The following PTCHD4 variants were observed in gnomAD, a reference collection of about 807,000 sequenced individuals.
PTCHD4 encodes the protein patched domain-containing protein 4.
A neutral mutation model predicts 58.1 loss-of-function variants in PTCHD4; 33 were observed. That is an observed-to-expected ratio of 0.57 (90% CI 0.43 to 0.76). The LOEUF (loss-of-function observed/expected upper bound fraction) is 0.76, where lower values mean the gene tolerates loss of function less well. PTCHD4 is among the 30% of genes least tolerant of loss of function. The probability of loss-of-function intolerance (pLI) is 0.00; values close to 1 mark genes in which losing one functional copy is unlikely to be tolerated. For synonymous variants in PTCHD4, 478 were observed against 409.6 expected, an observed-to-expected ratio of 1.17 and a Z score of -2.02; for missense variants, 1,058 against 1,027.1, an observed-to-expected ratio of 1.03 and a Z score of -0.41.
chr6:47,967,985 C>G (rs1581949028), intron 4 of PTCHD4, among the ~76,000 whole-genome samples: 1 of 152,170 alleles, frequency 6.6e-6, no homozygotes, highest in African/African-American at 2.4e-5. Flanking sequence ...TTACTCTCCT[C>G]TAAGAACTTT....
In PTCHD4 at chr6:47,878,436, A is replaced by G; in HGVS notation, c.2399T>C (p.Leu800Ser). ...GGGGAAAAACGTTAGGAACACAGGT[A>G]AAATAACAAAACAGTGCAGAAGTGT... ...GCTLLHCFVI[L>S]PVFLTFFPPS... The change falls in exon 5 of 5, where the codon TTA (leucine) becomes TCA (serine). Residue 800 changes from leucine (L) to serine (S), a missense_variant. Coordinates refer to ENST00000339488, the MANE Select transcript of PTCHD4 (RefSeq NM_001384253.1). 1 of 1,613,562 alleles carries G rather than the reference A, an allele frequency of 6.2e-7. No individual in the cohort carries two copies. Among genetic ancestry groups the G allele is most frequent in the Non-Finnish European group, 8.5e-7 (1 of 1,179,680 alleles).
At chr6:47,884,987 A>G (rs1463121766) in intron 4 of PTCHD4, among the ~76,000 whole-genome samples, 1 of 152,198 alleles carries the variant, frequency 6.6e-6, no homozygotes, top group East Asian at 1.9e-4. Context: ...TCACTGCTAT[A>G]GCGAGCTGGT....
chr6:48,093,701 C>T (rs1175120815), intron 1 of PTCHD4, among the ~76,000 whole-genome samples: 1 of 151,904 alleles, frequency 6.6e-6, no homozygotes, highest in Admixed American at 6.6e-5. Context: ...CACCCCTTTT[C>T]CCCACCTTCA....
In PTCHD4 at chr6:47,874,680, A is replaced by G. The variant is rs1450023162; in HGVS notation, c.*3623T>C. On this transcript the variant is annotated 3_prime_UTR_variant, in exon 5 of 5. Coordinates refer to ENST00000339488, the MANE Select transcript of PTCHD4 (RefSeq NM_001384253.1). ...TCATCATTATTCTTCTCACCTCACA[A>G]GGTAAAAACCTAAATTCTGTGGAAA... Among the ~76,000 whole-genome samples, 1 of 151,776 alleles carries G rather than the reference A, an allele frequency of 6.6e-6. No homozygotes were observed. Among genetic ancestry groups the G allele is most frequent in the East Asian group, 1.9e-4 (1 of 5,144 alleles).
intron 3 of PTCHD4, among the ~76,000 whole-genome samples, chr6:48,044,883 A>G (rs1763977994): frequency 6.6e-6 from 1 of 151,878 alleles, no homozygotes. Context: ...GAATAGCACC[A>G]TAAGATTTAG....
intron 4 of PTCHD4, among the ~76,000 whole-genome samples, chr6:47,882,741 G>GAGAGATATATATATATATATATATAT (rs143060584): frequency 1.7e-4 from 17 of 102,440 alleles, no homozygotes; most frequent in East Asian, 3.4e-4. Flanking sequence ...TGATTCCAGT[G>GAGAGATATATATATATATATATATAT]ATATATATAT....
In PTCHD4 at chr6:47,882,741, G is replaced by GAGATATATATATATAT. The variant is rs143060584; in HGVS notation, c.899-2806_899-2805insATATATATATATATCT. 1.7e-3 allele frequency among the ~76,000 whole-genome samples: 176 copies of GAGATATATATATATAT among 102,432 alleles called. 11 individuals carry two copies. The highest frequency in any genetic ancestry group is 4.0e-3 in the Admixed American group (33 of 8,308). The allele number at this position is 102,432 out of a possible 152,430, so 67.2% of individuals were successfully genotyped here. ...TGAATCCATTTCTAATGATTCCAGTGATATATATATATATATTCCTTAAAT... is the reference window on the plus strand; with the variant it reads ...TGAATCCATTTCTAATGATTCCAGTGAGATATATATATATATATATATATATATATATTCCTTAAAT... On this transcript the variant is annotated intron_variant, in intron 4 of 4. Transcript: ENST00000339488.
At chr6:48,109,538 GC>G (rs1446456721) in intron 1 of PTCHD4, among the ~76,000 whole-genome samples, 2 of 151,940 alleles carry the variant, frequency 1.3e-5, no homozygotes, top group Non-Finnish European at 2.9e-5. Context: ...GGCAAAAAAG[GC>G]AAAAATAAAC....
intron 3 of PTCHD4, among the ~76,000 whole-genome samples, chr6:48,030,788 C>G (rs1243427070): frequency 1.3e-5 from 2 of 152,154 alleles, no homozygotes; most frequent in African/African-American, 4.8e-5. Flanking sequence ...GAAATCTTCT[C>G]TACTGACTGC....
At chr6:47,947,309 T>G (rs900343551) in intron 4 of PTCHD4, among the ~76,000 whole-genome samples, 2 of 152,202 alleles carry the variant, frequency 1.3e-5, no homozygotes, top group Non-Finnish European at 2.9e-5. Flanking sequence ...AGCTCAATCT[T>G]GACACATTTA....
intron 4 of PTCHD4, among the ~76,000 whole-genome samples, chr6:47,949,380 C>T (rs961085118): frequency 6.6e-6 from 1 of 152,176 alleles, no homozygotes; most frequent in Non-Finnish European, 1.5e-5. Context: ...CAGAAAGGGT[C>T]TTTGTGGCTT....
At position 47,861,519 on chromosome 6, in the gene PTCHD4, G is replaced by A. The variant is rs1763425236; in HGVS notation, c.*16784C>T. 6.6e-6 allele frequency among the ~76,000 whole-genome samples: 1 copy of A among 151,804 alleles called. No individual in the cohort carries two copies. On this transcript the variant is annotated 3_prime_UTR_variant, in exon 5 of 5. Transcript: ENST00000339488. ...CACTAATCAATCATTAGGCATCCTT[G>A]CCTTCCTATCTTACCATTTTGTCCA... is the stretch of plus-strand genomic sequence containing the variant.
rs138634220 is a variant in PTCHD4, at chr6:47,928,906, T to C, written c.899-48970A>G. Among the ~76,000 whole-genome samples, 323 of 152,272 alleles carry C rather than the reference T, an allele frequency of 2.1e-3. 2 individuals are homozygous for C. Among genetic ancestry groups the C allele is most frequent in the African/African-American group, 7.3e-3 (305 of 41,552 alleles). ...AAATAACCTATCATAATGGTGCTTG[T>C]GAGGAGAAGTATTATAAGCAATCAT... On this transcript the variant is annotated intron_variant, in intron 4 of 4. Coordinates refer to ENST00000339488, the MANE Select transcript of PTCHD4 (RefSeq NM_001384253.1).
At chr6:48,079,039 A>C (rs1334766520) in intron 1 of PTCHD4, among the ~76,000 whole-genome samples, 1 of 147,582 alleles carries the variant, frequency 6.8e-6, no homozygotes, top group East Asian at 2.0e-4. Context: ...AATGGCGTGA[A>C]CCCGGGAGGC....
intron 4 of PTCHD4, among the ~76,000 whole-genome samples, chr6:47,897,561 T>C (rs1049420134): frequency 6.6e-6 from 1 of 152,190 alleles, no homozygotes; most frequent in Admixed American, 6.5e-5. Flanking sequence ...GAGATGTCAT[T>C]AAGACCTAAT....
At chr6:48,081,582 C>T (rs1472806501) in intron 1 of PTCHD4, among the ~76,000 whole-genome samples, 1 of 152,026 alleles carries the variant, frequency 6.6e-6, no homozygotes, top group Non-Finnish European at 1.5e-5. Flanking sequence ...AATTAGTATG[C>T]ATATTATATA....
Position 47,952,102 on chromosome 6 carries a change from A to G in PTCHD4, c.898+56532T>C, listed in dbSNP as rs998748824. ...ATGGATTAGAAGAAAAATTAGAATGAACTGGACAGAAATAAATATTACAGA... is the reference window on the plus strand; with the variant it reads ...ATGGATTAGAAGAAAAATTAGAATGGACTGGACAGAAATAAATATTACAGA... On this transcript the variant is annotated intron_variant, in intron 4 of 4. Coordinates refer to ENST00000339488, the MANE Select transcript of PTCHD4 (RefSeq NM_001384253.1). Among the ~76,000 whole-genome samples, 48 of 152,170 alleles carry G rather than the reference A, an allele frequency of 3.2e-4. 2 individuals carry two copies.
intron 3 of PTCHD4, among the ~76,000 whole-genome samples, chr6:48,025,068 T>G (rs2114119301): frequency 6.6e-6 from 1 of 152,304 alleles, no homozygotes; most frequent in South Asian, 2.1e-4. Context: ...TTAATATATC[T>G]GTTTCAATGC....
At chr6:47,933,491 T>C (rs1241519673) in intron 4 of PTCHD4, among the ~76,000 whole-genome samples, 2 of 152,234 alleles carry the variant, frequency 1.3e-5, no homozygotes, top group East Asian at 3.8e-4. Flanking sequence ...ATTATAAATA[T>C]TTATCCATCC....
Sources: allele counts gnomAD v4.1 joint callset (sites outside exome capture counted in the v4.1 genomes callset), GRCh38; gene constraint gnomAD v4.1.1; transcripts MANE v1.5; gene names NCBI Gene and HGNC (gene_info 2026-07-23, HGNC 2026-07-21).